Variants in USH2A observed in about 807,000 individuals in gnomAD.
USH2A encodes Usher syndrome 2A (autosomal recessive, mild).
In USH2A, 443 loss-of-function variants were observed where a neutral mutation model predicts 538.9. The observed-to-expected ratio is 0.82, with a 90% CI of 0.76 to 0.89. USH2A has a LOEUF of 0.89. Among genes scored for constraint, USH2A ranks in the 40% least tolerant of loss-of-function variants. USH2A has a pLI of 0.00. For synonymous variants in USH2A, 2,413 were observed against 2,273.5 expected (o/e 1.06, Z -1.75); for missense variants, 6,633 against 6,324.8 (o/e 1.05, Z -1.65).
chr1:215,775,161 G>A (rs1331956648), intron 55 of USH2A, among the ~76,000 whole-genome samples: 1 of 152,080 alleles, frequency 6.6e-6, no homozygotes, highest in African/African-American at 2.4e-5. Flanking sequence ...ATATACTGCA[G>A]CTAATTCCAG....
chr1:216,164,686 T>C (rs964268842), intron 21 of USH2A, among the ~76,000 whole-genome samples: 1 of 151,984 alleles, frequency 6.6e-6, no homozygotes, highest in African/African-American at 2.4e-5. Flanking sequence ...GTTCACAGAA[T>C]GAGTAAAATA....
chr1:216,165,262 T>G (rs1289798960), intron 21 of USH2A, among the ~76,000 whole-genome samples: 2 of 152,126 alleles, frequency 1.3e-5, no homozygotes, highest in African/African-American at 4.8e-5. Context: ...TAGGTAAAAG[T>G]GTCAAAATAT....
At position 216,175,377 on chromosome 1, in the gene USH2A, T is replaced by C. The variant is rs2034357068; in HGVS notation, c.4502A>G (p.Gln1501Arg). 1 of 1,613,768 alleles carries C rather than the reference T, an allele frequency of 6.2e-7. No homozygotes were observed. Among genetic ancestry groups the C allele is most frequent in the Admixed American group, 1.7e-5 (1 of 59,972 alleles). Residue 1501 changes from glutamine to arginine, a missense_variant, in exon 21 of 72, where the codon CAG (glutamine) becomes CGG (arginine). Transcript: ENST00000307340. ...EELNGPSPIYQLERRESSLPA... is the reference protein window; with the variant it reads ...EELNGPSPIYRLERRESSLPA... ...TAGAGATGACTCTCTCCTTTCCAGC[T>C]GATATATAGGAGAGGGTCCATTCAG...
At chr1:215,874,336 C>T (rs1262037241) in intron 43 of USH2A, among the ~76,000 whole-genome samples, 1 of 152,144 alleles carries the variant, frequency 6.6e-6, no homozygotes, top group Non-Finnish European at 1.5e-5. Flanking sequence ...TCTACACAGG[C>T]AGAGCAAAAT....
chr1:215,702,914 C>CT (rs1380601025), intron 61 of USH2A, among the ~76,000 whole-genome samples: 1 of 151,966 alleles, frequency 6.6e-6, no homozygotes, highest in East Asian at 1.9e-4. Flanking sequence ...AATTTTCAGC[C>CT]TTTTTGCGCT....
chr1:216,199,762 C>A lies in USH2A; in HGVS notation c.3676G>T (p.Gly1226Trp), dbSNP rs770349057. ...ATGGGCAAGCTGTGTAAACAGCCCC[C>A]GCTAGTACACGCCTGTACAGAAAAA... is the stretch of plus-strand genomic sequence containing the variant. ...YDFSVQACTS[G>W]GCLHSLPITV... is the part of the protein sequence containing the mutation. Residue 1226 changes from glycine to tryptophan, a missense_variant, in exon 17 of 72, where the codon GGG (glycine) becomes TGG (tryptophan). Gly to Trp is a radical substitution (Grantham distance 184, BLOSUM62 -2). Transcript: ENST00000307340. 4.3e-6 allele frequency: 7 copies of A among 1,614,032 alleles called. No homozygotes were observed. The highest frequency in any genetic ancestry group is 5.9e-6 in the Non-Finnish European group (7 of 1,179,992).
chr1:216,036,880 C>T (rs1346516847), intron 32 of USH2A, among the ~76,000 whole-genome samples: 1 of 151,948 alleles, frequency 6.6e-6, no homozygotes, highest in Non-Finnish European at 1.5e-5. Flanking sequence ...TCCTATATCT[C>T]TAAGAAAAAG....
At chr1:215,654,299 T>TC (rs1189468855) in intron 64 of USH2A, among the ~76,000 whole-genome samples, 1 of 152,168 alleles carries the variant, frequency 6.6e-6, no homozygotes, top group Non-Finnish European at 1.5e-5. Flanking sequence ...TAGGTATGTC[T>TC]CCTAATGCTA....
Position 215,647,719 on chromosome 1 carries a change from T to G in USH2A, c.14594A>C (p.Gln4865Pro). 6.2e-7 allele frequency: 1 copy of G among 1,614,170 alleles called. No individual in the cohort carries two copies. The highest frequency in any genetic ancestry group is 8.5e-7 in the Non-Finnish European group (1 of 1,180,030). The change falls in exon 67 of 72, where the codon CAA becomes CCA. Residue 4865 changes from glutamine (Q) to proline (P), a missense_variant. Coordinates refer to ENST00000307340, the MANE Select transcript of USH2A (RefSeq NM_206933.4). ...GTCAGGAGGGCAAGCCACGTGGAAT[T>G]GGAGTTCATAGCTAAAATGAGAATG... The part of the protein sequence containing the change: ...PNGVIHSYEL[Q>P]FHVACPPDSA...
rs878853413 is a variant in USH2A at position 215,782,170 on chromosome 1, G to A, written c.10612C>T (p.Arg3538Ter). The A allele has an allele frequency of 1.9e-6, 3 of 1,613,850 alleles. No homozygotes were observed. Among genetic ancestry groups the A allele is most frequent in the East Asian group, 2.2e-5 (1 of 44,880 alleles). ...CCCCGAAAACGTTCAATTCCATTTCGAAGAAGGATGTAGTAAATAATAGGA... is the reference window on the plus strand; with the variant it reads ...CCCCGAAAACGTTCAATTCCATTTCAAAGAAGGATGTAGTAAATAATAGGA... ...NGPIIYYILL[R>*]NGIERFRGTS... The change falls in exon 54 of 72, where the codon CGA (arginine) becomes TGA (stop). Residue 3538 changes from arginine (R) to a stop codon, truncating the protein, a stop_gained. Transcript: ENST00000307340. LOFTEE classifies it high-confidence loss of function.
intron 35 of USH2A, among the ~76,000 whole-genome samples, chr1:215,986,470 C>T (rs1667877674): frequency 6.6e-6 from 1 of 151,810 alleles, no homozygotes; most frequent in South Asian, 2.1e-4. Context: ...TTAATTATGC[C>T]CATGTGGTTA....
chr1:216,082,625 T>C (rs2031987181), intron 26 of USH2A, among the ~76,000 whole-genome samples: 2 of 152,116 alleles, frequency 1.3e-5, no homozygotes, highest in Admixed American at 6.6e-5. Context: ...AAAATTTTAA[T>C]AACGTATTTA....
intron 58 of USH2A, among the ~76,000 whole-genome samples, chr1:215,744,039 T>C (rs1464970935): frequency 1.3e-5 from 2 of 152,208 alleles, no homozygotes; most frequent in African/African-American, 2.4e-5. Context: ...AAGGCAATTA[T>C]GCTGTCCTAT....
Position 215,648,682 on chromosome 1 carries a change from A to G in USH2A, c.14428T>C (p.Cys4810Arg). The G allele has an allele frequency of 1.9e-6, 3 of 1,614,248 alleles. No individual in the cohort carries two copies. Among genetic ancestry groups the G allele is most frequent in the Non-Finnish European group, 2.5e-6 (3 of 1,180,042 alleles). Residue 4810 changes from cysteine (C) to arginine (R), a missense_variant, in exon 66 of 72, where the codon TGC (cysteine) becomes CGC (arginine). Coordinates refer to ENST00000307340, the MANE Select transcript of USH2A (RefSeq NM_206933.4). ...NYSIGVEACT[C>R]FNCCSKGPTA... is the part of the protein sequence containing the mutation. ...GGTCCTTTGCTGCAACAGTTGAAGC[A>G]GGTGCAGGCCTCTACTCCAATAGAG...
intron 55 of USH2A, among the ~76,000 whole-genome samples, chr1:215,768,100 C>G (rs1255085012): frequency 6.6e-6 from 1 of 152,080 alleles, no homozygotes; most frequent in African/African-American, 2.4e-5. Context: ...TCTATTTATG[C>G]AGATTTCTCC....
At chr1:216,234,523 G>C (rs1381287209) in intron 13 of USH2A, among the ~76,000 whole-genome samples, 1 of 151,940 alleles carries the variant, frequency 6.6e-6, no homozygotes, top group Non-Finnish European at 1.5e-5. Context: ...AATTCAGAAG[G>C]CTTCCATTTA....
At chr1:216,392,710 T>A (rs2039132946) in intron 3 of USH2A, among the ~76,000 whole-genome samples, 1 of 152,114 alleles carries the variant, frequency 6.6e-6, no homozygotes, top group African/African-American at 2.4e-5. Context: ...AAAGATGTAC[T>A]ATGGTTAATA....
At chr1:216,067,244 C>T (rs921211166) in intron 30 of USH2A, among the ~76,000 whole-genome samples, 8 of 152,030 alleles carry the variant, frequency 5.3e-5, no homozygotes, top group African/African-American at 1.9e-4. Context: ...GGGAACATCA[C>T]ATATCGGGGC....
Position 216,359,005 on chromosome 1 carries a change from AC to A in USH2A, c.784+5947del, listed in dbSNP as rs2038440868. Among the ~76,000 whole-genome samples the A allele has an allele frequency of 2.0e-5, 3 of 152,316 alleles. 1 individual carries two copies. The Middle Eastern group carries it at 0.01, about 518-fold the overall frequency. On this transcript the variant is annotated intron_variant, in intron 4 of 71. Transcript: ENST00000307340. ...GGTGCAATAAAACACTTTTAGAAGT[AC>A]TAATGGGGATTAAATATTGAAATAA...
Sources: gnomAD v4.1 joint callset for allele counts (sites outside exome capture counted in the v4.1 genomes callset) on GRCh38, gnomAD v4.1.1 for gene constraint, MANE v1.5 for transcripts, NCBI Gene and HGNC (gene_info 2026-07-23, HGNC 2026-07-21) for gene names.